OSBPL10: variants seen among roughly 807,000 people sequenced by gnomAD.
OSBPL10 encodes oxysterol binding protein like 10, also known as oxysterol-binding protein-related protein 10.
In OSBPL10, 49 loss-of-function variants were observed where a neutral mutation model predicts 81.7. The observed-to-expected ratio is 0.60, with a 90% CI of 0.48 to 0.76. The LOEUF (loss-of-function observed/expected upper bound fraction) is 0.76. Ranked by LOEUF, OSBPL10 falls within the 30% of genes least tolerant of loss-of-function variation. The pLI is 0.00. For synonymous variants in OSBPL10, 419 were observed against 383.6 expected (o/e 1.09, Z -1.08); for missense variants, 923 against 987.8 (o/e 0.93, Z 0.88).
chr3:31,804,085 G>C (rs746358464), intron 4 of OSBPL10, among the ~76,000 whole-genome samples: 2 of 152,092 alleles, frequency 1.3e-5, no homozygotes, highest in Non-Finnish European at 2.9e-5. Flanking sequence ...GTTCTGACCT[G>C]CAACAATCAT....
At chr3:31,932,459 T>G (rs1481912312) in intron 1 of OSBPL10, among the ~76,000 whole-genome samples, 6 of 152,198 alleles carry the variant, frequency 3.9e-5, no homozygotes, top group Non-Finnish European at 7.3e-5. Context: ...AATAACAATG[T>G]AAGAAGATAT....
chr3:31,884,137 A>G (rs1695668220), intron 1 of OSBPL10, among the ~76,000 whole-genome samples: 1 of 152,262 alleles, frequency 6.6e-6, no homozygotes, highest in African/African-American at 2.4e-5. Flanking sequence ...TTTTTTCAGT[A>G]AGTATGACAG....
intron 8 of OSBPL10, among the ~76,000 whole-genome samples, chr3:31,672,235 A>G (rs1481750077): frequency 6.6e-6 from 1 of 151,898 alleles, no homozygotes; most frequent in Non-Finnish European, 1.5e-5. Flanking sequence ...CTATTTGGCA[A>G]TGATTATCGT....
chr3:31,861,195 T>C (rs1423231745), intron 3 of OSBPL10, among the ~76,000 whole-genome samples: 3 of 152,132 alleles, frequency 2.0e-5, no homozygotes, highest in Non-Finnish European at 2.9e-5. Flanking sequence ...TGGGGGTCAT[T>C]AGGAAATTGT....
chr3:31,851,536 C>A (rs1233219690), intron 3 of OSBPL10, among the ~76,000 whole-genome samples: 1 of 152,220 alleles, frequency 6.6e-6, no homozygotes, highest in Non-Finnish European at 1.5e-5. Flanking sequence ...GGCACCAGGG[C>A]CAAGGCTCTG....
Position 31,702,339 on chromosome 3 carries a change from C to A in OSBPL10, c.1245+20G>T. The A allele has an allele frequency of 1.2e-6, 2 of 1,612,404 alleles. No individual in the cohort carries two copies. Among genetic ancestry groups the A allele is most frequent in the Non-Finnish European group, 1.7e-6 (2 of 1,178,588 alleles). ...GAACCCCAACAACTGACCACAAATCCAGGGGACATGCCAACCTACCTTGGT... is the reference window on the plus strand; with the variant it reads ...GAACCCCAACAACTGACCACAAATCAAGGGGACATGCCAACCTACCTTGGT... On this transcript the variant is annotated intron_variant, in intron 7 of 11. Coordinates refer to ENST00000396556, the MANE Select transcript of OSBPL10 (RefSeq NM_017784.5).
At chr3:32,011,719 G>T (rs1699261937) in intron 2 of OSBPL10, among the ~76,000 whole-genome samples, 1 of 152,152 alleles carries the variant, frequency 6.6e-6, no homozygotes, top group Non-Finnish European at 1.5e-5. Context: ...TGGCTAACTA[G>T]AATAATAACC....
In OSBPL10 at chr3:31,981,092, A is replaced by C; in HGVS notation, c.88T>G (p.Ser30Ala). 1.3e-6 allele frequency: 2 copies of C among 1,492,304 alleles called. No homozygotes were observed. The highest frequency in any genetic ancestry group is 1.8e-6 in the Non-Finnish European group (2 of 1,125,632). The allele number at this position is 1,492,304 out of a possible 1,614,324, so 92.4% of individuals were successfully genotyped here. A position where few individuals can be genotyped will look rare whatever the true frequency, so the allele number is the denominator to read the frequency against. ...CGGCCCGCCAGAGAGCAGGAGGGCG[A>C]GGAGCCCGCCGAGGTAGCACGGCTG... ...SSSRATSAGSSPSCSLAGRGV... is the reference protein window; with the variant it reads ...SSSRATSAGSAPSCSLAGRGV... Residue 30 changes from serine (S) to alanine (A), a missense_variant, in exon 1 of 12, where the codon TCG becomes GCG. Transcript: ENST00000396556. This position sits in a 1 kb window ranked among gnomAD's most constrained non-coding sequence, Gnocchi z 4.5.
intron 2 of OSBPL10, among the ~76,000 whole-genome samples, chr3:32,043,836 C>T (rs993630078): frequency 4.6e-5 from 7 of 152,128 alleles, no homozygotes; most frequent in African/African-American, 1.7e-4. Context: ...ACCGCATGTT[C>T]TCTTATAAGT....
intron 1 of OSBPL10, among the ~76,000 whole-genome samples, chr3:31,909,990 T>C (rs993444645): frequency 2.0e-5 from 3 of 150,950 alleles, no homozygotes; most frequent in Non-Finnish European, 3.0e-5. Context: ...GCCTTTTTTT[T>C]TTTTTTTTTT....
intron 3 of OSBPL10, among the ~76,000 whole-genome samples, chr3:31,858,528 A>G (rs1185738815): frequency 6.6e-6 from 1 of 152,176 alleles, no homozygotes; most frequent in Non-Finnish European, 1.5e-5. Context: ...CTAAGAGCAC[A>G]ACAGACATGA....
intron 4 of OSBPL10, among the ~76,000 whole-genome samples, chr3:31,810,515 C>T (rs1699652276): frequency 6.6e-6 from 1 of 151,906 alleles, no homozygotes; most frequent in Admixed American, 6.6e-5. Flanking sequence ...CAGCTAAAAA[C>T]ATCCCAAATA....
chr3:31,799,379 TAAAAAAAA>T lies in OSBPL10; in HGVS notation c.729+30653_729+30660del, dbSNP rs61157535. On this transcript the variant is annotated intron_variant, in intron 4 of 11. Coordinates refer to ENST00000396556, the MANE Select transcript of OSBPL10 (RefSeq NM_017784.5). Reference sequence around the variant, plus strand: ...CAACATAGCAAGACCCCTATCTCTTTAAAAAAAAAAAAAAAAAAAAAAAAAAATGGAAG... The same window carrying T: ...CAACATAGCAAGACCCCTATCTCTTTAAAAAAAAAAAAAAAAAAATGGAAG... 3.5e-3 allele frequency among the ~76,000 whole-genome samples: 198 copies of T among 56,244 alleles called. 1 individual carries two copies. The highest frequency in any genetic ancestry group is 4.9e-3 in the Non-Finnish European group (153 of 31,026). 36.9% of individuals were successfully genotyped at this position (56,244 alleles called of 152,430 possible). A position where few individuals can be genotyped will look rare whatever the true frequency, so the allele number is the denominator to read the frequency against.
chr3:31,705,292 C>T (rs912111581), intron 6 of OSBPL10, among the ~76,000 whole-genome samples: 6 of 152,138 alleles, frequency 3.9e-5, no homozygotes, highest in South Asian at 4.1e-4. Context: ...TGGTTTCATA[C>T]ACCATGTTGA....
chr3:31,912,321 G>T (rs1696603619), intron 1 of OSBPL10, among the ~76,000 whole-genome samples: 1 of 151,764 alleles, frequency 6.6e-6, no homozygotes, highest in Admixed American at 6.6e-5. Flanking sequence ...TTGAACACAG[G>T]AGGCAGAGGT....
intron 2 of OSBPL10, among the ~76,000 whole-genome samples, chr3:31,995,016 GGTATATGAATAGGGA>G (rs1699075615): frequency 6.6e-6 from 1 of 152,112 alleles, no homozygotes; most frequent in South Asian, 2.1e-4. Flanking sequence ...AAGGGGAAGG[GGTATATGAATAGGGA>G]GTAGGTCACA....
At chr3:32,011,503 G>A (rs1322301252) in intron 2 of OSBPL10, among the ~76,000 whole-genome samples, 2 of 152,238 alleles carry the variant, frequency 1.3e-5, no homozygotes, top group African/African-American at 2.4e-5. Context: ...AAACAGAGCA[G>A]AGAAACTGAA....
chr3:31,834,047 C>G (rs551124463), intron 3 of OSBPL10, among the ~76,000 whole-genome samples: 1 of 152,244 alleles, frequency 6.6e-6, no homozygotes, highest in South Asian at 2.1e-4. Flanking sequence ...GCAAAAAAGT[C>G]TTACCCTTCA....
chr3:31,943,777 C>T (rs889252443), intron 1 of OSBPL10, among the ~76,000 whole-genome samples: 2 of 151,870 alleles, frequency 1.3e-5, no homozygotes, highest in African/African-American at 4.8e-5. Context: ...ACCAGCCTGG[C>T]CAATAGGGTG....
Sources: gnomAD v4.1 joint callset for allele counts (sites outside exome capture counted in the v4.1 genomes callset) on GRCh38, gnomAD v4.1.1 for gene constraint, Gnocchi (gnomAD v3.1) non-coding constraint, MANE v1.5 for transcripts, NCBI Gene and HGNC (gene_info 2026-07-23, HGNC 2026-07-21) for gene names.